Variants in SLC26A7 observed in about 807,000 individuals in gnomAD.
SLC26A7 encodes solute carrier family 26 member 7.
A neutral mutation model predicts 82.5 loss-of-function variants in SLC26A7; 59 were observed. The observed-to-expected ratio is 0.72, with a 90% CI of 0.58 to 0.89. The LOEUF (loss-of-function observed/expected upper bound fraction) is 0.89, where lower values mean the gene tolerates loss of function less well. Among genes scored for constraint, SLC26A7 ranks in the 40% least tolerant of loss-of-function variants. The pLI is 0.00. For synonymous variants in SLC26A7, 271 were observed against 274.3 expected, an observed-to-expected ratio of 0.99 and a Z score of 0.12; for missense variants, 820 against 793.0, an observed-to-expected ratio of 1.03 and a Z score of -0.41.
intron 5 of SLC26A7, among the ~76,000 whole-genome samples, chr8:91,329,454 G>T (rs1240281851): frequency 6.6e-6 from 1 of 152,134 alleles, no homozygotes; most frequent in African/African-American, 2.4e-5. Flanking sequence ...AGCATCTTGT[G>T]AGATGTGCTT....
intron 7 of SLC26A7, 108 bp downstream of exon 7, chr8:91,338,340 T>G: frequency 1.6e-6 from 1 of 629,710 alleles, no homozygotes. Context: ...TAATTCTAAT[T>G]AATTTCTATT....
At position 91,276,164 on chromosome 8, in the gene SLC26A7, CT is replaced by C. The variant is rs937230602; in HGVS notation, c.194-12963del. 8.9e-4 allele frequency among the ~76,000 whole-genome samples: 134 copies of C among 151,252 alleles called. 2 individuals carry two copies. Among genetic ancestry groups the C allele is most frequent in the African/African-American group, 3.1e-3 (129 of 41,268 alleles). On this transcript the variant is annotated intron_variant, in intron 2 of 18. Transcript: ENST00000276609. The stretch of plus-strand genomic sequence containing the variant: ...TCACTTTATGGCCAAGGGATTACTT[CT>C]TTTTTTTTCTAAAATTTTGAATATA...
At chr8:91,252,773 G>A (rs1236165487) in intron 2 of SLC26A7, among the ~76,000 whole-genome samples, 1 of 152,144 alleles carries the variant, frequency 6.6e-6, no homozygotes, top group African/African-American at 2.4e-5. Context: ...TTGAGGTTAG[G>A]TGTTGCCCTG....
At chr8:91,306,691 A>G (rs1428815653) in intron 4 of SLC26A7, among the ~76,000 whole-genome samples, 2 of 151,552 alleles carry the variant, frequency 1.3e-5, no homozygotes, top group African/African-American at 4.9e-5. Context: ...ACTAAAGTCT[A>G]TATGTTGTAT....
chr8:91,354,697 T>C (rs139530771), intron 11 of SLC26A7, among the ~76,000 whole-genome samples: 2 of 152,192 alleles, frequency 1.3e-5, no homozygotes, highest in African/African-American at 4.8e-5. Context: ...GCTGAGACCA[T>C]GAAGTACAAG....
At chr8:91,287,932 C>G (rs1411888318) in intron 2 of SLC26A7, among the ~76,000 whole-genome samples, 6 of 152,112 alleles carry the variant, frequency 3.9e-5, no homozygotes, top group African/African-American at 1.4e-4. Flanking sequence ...TCTATAATCA[C>G]TTTTATCGTA....
intron 9 of SLC26A7, chr8:91,348,417 G>A: frequency 1.1e-6 from 1 of 914,090 alleles, no homozygotes; most frequent in South Asian, 5.0e-5. Flanking sequence ...TAATAAAAAT[G>A]CATGTATGGT....
At chr8:91,284,779 C>T (rs899207180) in intron 2 of SLC26A7, among the ~76,000 whole-genome samples, 1 of 152,066 alleles carries the variant, frequency 6.6e-6, no homozygotes, top group Non-Finnish European at 1.5e-5. Context: ...TTTATGATTC[C>T]TAATACAAAA....
intron 15 of SLC26A7, among the ~76,000 whole-genome samples, chr8:91,374,626 T>C (rs1263455624): frequency 6.6e-6 from 1 of 152,012 alleles, no homozygotes; most frequent in Non-Finnish European, 1.5e-5. Flanking sequence ...TTGGAATTTA[T>C]TTAGATTTGC....
chr8:91,367,388 G>A (rs1043775545), intron 14 of SLC26A7, among the ~76,000 whole-genome samples: 12 of 152,232 alleles, frequency 7.9e-5, no homozygotes, highest in Admixed American at 2.0e-4. Flanking sequence ...CTTCAGAGAC[G>A]CATAAACTGT....
chr8:91,213,519 G>C (rs1026522260), intron 1 of SLC26A7, among the ~76,000 whole-genome samples: 1 of 152,144 alleles, frequency 6.6e-6, no homozygotes, highest in African/African-American at 2.4e-5. Context: ...TTTAAGCAGG[G>C]AACTGAATGC....
At chr8:91,347,942 T>C (rs1419943523) in intron 9 of SLC26A7, among the ~76,000 whole-genome samples, 1 of 152,190 alleles carries the variant, frequency 6.6e-6, no homozygotes, top group Non-Finnish European at 1.5e-5. Flanking sequence ...GGGAGGGAGC[T>C]CAGTGTCCCC....
chr8:91,213,332 T>A (rs745617670), intron 1 of SLC26A7, among the ~76,000 whole-genome samples: 4 of 152,128 alleles, frequency 2.6e-5, no homozygotes, highest in Non-Finnish European at 4.4e-5. Context: ...TAAAAGTGGA[T>A]TTTATTAATA....
At chr8:91,230,712 ATGTT>A (rs757608166) in intron 2 of SLC26A7, among the ~76,000 whole-genome samples, 26 of 152,208 alleles carry the variant, frequency 1.7e-4, no homozygotes, top group Admixed American at 2.0e-4. Flanking sequence ...TGTTCAGTCA[ATGTT>A]TGTAATAGAT....
chr8:91,351,974 C>T, intron 10 of SLC26A7, 87 bp downstream of exon 10: 1 of 1,009,766 alleles, frequency 9.9e-7, no homozygotes, highest in Non-Finnish European at 1.5e-6. Context: ...AGTATAACCT[C>T]AACAATCCTA....
intron 3 of SLC26A7, among the ~76,000 whole-genome samples, chr8:91,291,744 A>G (rs1210248551): frequency 6.6e-6 from 1 of 152,256 alleles, no homozygotes; most frequent in African/African-American, 2.4e-5. Flanking sequence ...TCTATATTTA[A>G]CAAATTTTTA....
chr8:91,307,678 T>C (rs1295366238), intron 4 of SLC26A7, among the ~76,000 whole-genome samples: 4 of 122,314 alleles, frequency 3.3e-5, no homozygotes, highest in African/African-American at 6.1e-5. Context: ...AGGGATAGCA[T>C]TGGGAGATAT....
intron 5 of SLC26A7, among the ~76,000 whole-genome samples, chr8:91,325,613 G>T (rs982789461): frequency 6.6e-6 from 1 of 152,122 alleles, no homozygotes; most frequent in African/African-American, 2.4e-5. Flanking sequence ...AGAAGAGCTC[G>T]TATGCCTGAG....
intron 5 of SLC26A7, among the ~76,000 whole-genome samples, chr8:91,331,858 GA>G (rs1813090787): frequency 6.6e-6 from 1 of 151,962 alleles, no homozygotes; most frequent in Admixed American, 6.6e-5. Context: ...ATAAAAGAAA[GA>G]ATGCTTTCTT....
Sources: allele counts gnomAD v4.1 joint callset (sites outside exome capture counted in the v4.1 genomes callset), GRCh38; gene constraint gnomAD v4.1.1; transcripts MANE v1.5; gene names NCBI Gene and HGNC (gene_info 2026-07-23, HGNC 2026-07-21).